ANKRD11: variants seen among roughly 807,000 people sequenced by gnomAD.
ANKRD11 encodes ankyrin repeat domain-containing protein 11.
A neutral mutation model predicts 195.7 loss-of-function variants in ANKRD11; 17 were observed. The ratio of observed to expected loss-of-function variants is 0.09; its 90% CI spans 0.06 to 0.13. The LOEUF is 0.13. ANKRD11 is among the 10% of genes least tolerant of loss of function. The pLI, the probability that ANKRD11 is intolerant of heterozygous loss-of-function variation, is 1.00. For missense variants in ANKRD11, 3,735 were observed against 3,566.1 expected, an observed-to-expected ratio of 1.05 and a Z score of -1.21; for synonymous variants, 1,953 against 1,528.1, an observed-to-expected ratio of 1.28 and a Z score of -6.49.
At chr16:89,316,676 T>C (rs765057310) in intron 3 of ANKRD11, among the ~76,000 whole-genome samples, 11 of 152,204 alleles carry the variant, frequency 7.2e-5, no homozygotes, top group Non-Finnish European at 1.2e-4. Context: ...TGCAGCCACA[T>C]TGAGGCTCAG....
intron 2 of ANKRD11, among the ~76,000 whole-genome samples, chr16:89,374,343 A>T (rs879632236): frequency 7.3e-5 from 11 of 151,208 alleles, no homozygotes; most frequent in East Asian, 1.9e-4. Flanking sequence ...TTTGTAAAAA[A>T]AATAATAATA....
intron 2 of ANKRD11, among the ~76,000 whole-genome samples, chr16:89,409,525 C>T (rs991089330): frequency 6.6e-6 from 1 of 152,080 alleles, no homozygotes; most frequent in Non-Finnish European, 1.5e-5. Flanking sequence ...TTCACAAGAG[C>T]AGGAAAGGCT....
At chr16:89,354,541 C>A (rs916598120) in intron 2 of ANKRD11, among the ~76,000 whole-genome samples, 3 of 152,130 alleles carry the variant, frequency 2.0e-5, no homozygotes, top group Non-Finnish European at 4.4e-5. Context: ...CACTTCTAGG[C>A]TGGAATACTC....
At chr16:89,462,183 G>C (rs1478541448) in intron 1 of ANKRD11, among the ~76,000 whole-genome samples, 2 of 152,104 alleles carry the variant, frequency 1.3e-5, no homozygotes, top group African/African-American at 4.8e-5. Flanking sequence ...CCCCCTGCCT[G>C]ATTCTCCTGA....
At chr16:89,294,394 CAA>C (rs1474175496) in intron 4 of ANKRD11, among the ~76,000 whole-genome samples, 1 of 152,060 alleles carries the variant, frequency 6.6e-6, no homozygotes, top group Non-Finnish European at 1.5e-5. Context: ...GTCCTGACAC[CAA>C]AAAAGTCCAA....
In ANKRD11 at chr16:89,282,597, C is replaced by G. The variant is rs750257079; in HGVS notation, c.3945G>C (p.Pro1315=). Residue 1315 remains proline, a synonymous_variant, in exon 9 of 13, where the codon CCG becomes CCC. Transcript: ENST00000301030. ...SDSFTDRGQE[P]GLTAFLEVSF... ...AGACCTCCAGGAAGGCAGTCAGCCC[C>G]GGCTCCTGCCCTCGGTCCGTGAAGC... The G allele has an allele frequency of 6.8e-6, 11 of 1,614,042 alleles. No homozygotes were observed. The South Asian group carries it at 9.9e-5, about 14-fold the overall frequency.
intron 2 of ANKRD11, among the ~76,000 whole-genome samples, chr16:89,378,474 C>A (rs1913338621): frequency 6.6e-6 from 1 of 152,076 alleles, no homozygotes; most frequent in African/African-American, 2.4e-5. Flanking sequence ...TGAAGCCTAA[C>A]CACAAAAACC....
At chr16:89,356,788 AAAAAAAAG>A in intron 2 of ANKRD11, among the ~76,000 whole-genome samples, 1 of 151,142 alleles carries the variant, frequency 6.6e-6, no homozygotes, top group African/African-American at 2.4e-5. Flanking sequence ...CTCAAAAAAA[AAAAAAAAG>A]AAAAAAGAAA....
chr16:89,311,086 T>C (rs75400194), intron 3 of ANKRD11, among the ~76,000 whole-genome samples: 2 of 152,180 alleles, frequency 1.3e-5, no homozygotes, highest in African/African-American at 4.8e-5. Flanking sequence ...GTTTGCAGAA[T>C]TTTTTTTAAA....
chr16:89,433,295 C>T (rs966444941), intron 1 of ANKRD11, among the ~76,000 whole-genome samples: 1 of 152,220 alleles, frequency 6.6e-6, no homozygotes, highest in African/African-American at 2.4e-5. Context: ...TCCCTCCAGG[C>T]TCTTTCAGTC....
intron 2 of ANKRD11, among the ~76,000 whole-genome samples, chr16:89,325,451 T>C (rs1254448872): frequency 5.4e-5 from 7 of 129,056 alleles, no homozygotes; most frequent in African/African-American, 2.0e-4. Flanking sequence ...TCCCCTCTCC[T>C]CTCTCTCTCT....
chr16:89,481,175 A>G (rs2057432205), intron 1 of ANKRD11, among the ~76,000 whole-genome samples: 2 of 152,098 alleles, frequency 1.3e-5, no homozygotes, highest in Admixed American at 6.5e-5. Context: ...AGTCTTTTTA[A>G]TGAATACCAG....
chr16:89,322,598 C>G (rs1046486974), intron 2 of ANKRD11, among the ~76,000 whole-genome samples: 8 of 152,208 alleles, frequency 5.3e-5, no homozygotes, highest in African/African-American at 1.9e-4. Context: ...AATCCCAGCT[C>G]CAATTCCAAA....
chr16:89,343,734 T>C (rs879353558), intron 2 of ANKRD11: 5 of 152,282 alleles, frequency 3.3e-5, no homozygotes, highest in Non-Finnish European at 5.9e-5. Flanking sequence ...CAGCTCATGT[T>C]TTCAAGGAAG....
chr16:89,281,121 G>A lies in ANKRD11; in HGVS notation c.5421C>T (p.Asp1807=). The A allele has an allele frequency of 6.2e-7, 1 of 1,612,624 alleles. No individual in the cohort carries two copies. Among genetic ancestry groups the A allele is most frequent in the Non-Finnish European group, 8.5e-7 (1 of 1,178,714 alleles). Residue 1807 remains aspartate (D), a synonymous_variant, in exon 9 of 13, where the codon GAC becomes GAT. Coordinates refer to ENST00000301030, the MANE Select transcript of ANKRD11 (RefSeq NM_013275.6). This position sits in a 1 kb window ranked among gnomAD's most constrained non-coding sequence, Gnocchi z 5.5. Reference sequence around the variant, plus strand: ...GAACGCTCTGCTGCCTGAAGAGCTTGTCTCCGACGCTGAATTCTTCCTCGG... The same window carrying A: ...GAACGCTCTGCTGCCTGAAGAGCTTATCTCCGACGCTGAATTCTTCCTCGG... ...RTPEEEFSVG[D]KLFRQQSVPA...
chr16:89,281,447 G>T lies in ANKRD11; in HGVS notation c.5095C>A (p.Arg1699=). The T allele has an allele frequency of 6.2e-7, 1 of 1,613,602 alleles. No individual in the cohort carries two copies. Residue 1699 remains arginine (R), a synonymous_variant, in exon 9 of 13, where the codon CGG becomes AGG. Transcript: ENST00000301030. The surrounding 1 kb of genome is among the most constrained non-coding windows in gnomAD (Gnocchi z 5.5). ...GTAGGGGTGGGCACGCCAGTGGGCC[G>T]GCTCTGGTCAGGCCTGGGGGACGCA... ...LPASPRPDQS[R]PTGVPTPTSV... is the part of the protein sequence containing the mutation.
intron 2 of ANKRD11, among the ~76,000 whole-genome samples, chr16:89,388,130 T>C (rs2041006359): frequency 6.6e-6 from 1 of 152,004 alleles, no homozygotes; most frequent in Non-Finnish European, 1.5e-5. Flanking sequence ...GCTTCCCTAA[T>C]GCTAACATCA....
intron 2 of ANKRD11, among the ~76,000 whole-genome samples, chr16:89,352,317 C>T (rs898673699): frequency 6.6e-6 from 1 of 151,808 alleles, no homozygotes; most frequent in African/African-American, 2.4e-5. Flanking sequence ...GGTGCAGAGC[C>T]CTGGGGGAAG....
chr16:89,420,265 G>A (rs2042458062), intron 1 of ANKRD11: 1 of 152,222 alleles, frequency 6.6e-6, no homozygotes. Flanking sequence ...CCAGAGTCCT[G>A]AGAGCACTCA....
Sources: allele counts gnomAD v4.1 joint callset (sites outside exome capture counted in the v4.1 genomes callset), GRCh38; gene constraint gnomAD v4.1.1; non-coding constraint Gnocchi (gnomAD v3.1); transcripts MANE v1.5; gene names NCBI Gene and HGNC (gene_info 2026-07-23, HGNC 2026-07-21).